Variants in DNER observed in about 807,000 individuals in gnomAD.
The protein encoded by DNER is delta/notch like EGF repeat containing, also known as delta and Notch-like epidermal growth factor-related receptor.
Under a neutral mutation model 78.2 loss-of-function variants are expected in DNER, and 33 were observed. The ratio of observed to expected loss-of-function variants is 0.42; its 90% CI spans 0.32 to 0.56. The LOEUF is 0.56. Ranked by LOEUF, DNER falls within the 20% of genes least tolerant of loss-of-function variation. DNER has a pLI of 0.11. For synonymous variants in DNER, 417 were observed against 384.8 expected (o/e 1.08, Z -0.98); for missense variants, 918 against 975.3 (o/e 0.94, Z 0.78).
chr2:229,454,947 G>T (rs1428703944), intron 7 of DNER, among the ~76,000 whole-genome samples: 1 of 151,020 alleles, frequency 6.6e-6, no homozygotes, highest in East Asian at 1.9e-4. Flanking sequence ...ATGAATGCAA[G>T]GTATATCTGA....
At chr2:229,712,514 C>A (rs1239742037) in intron 1 of DNER, among the ~76,000 whole-genome samples, 1 of 152,140 alleles carries the variant, frequency 6.6e-6, no homozygotes, top group African/African-American at 2.4e-5. Flanking sequence ...TCAACTATTT[C>A]TTTGAAGGAT....
At chr2:229,693,155 G>C (rs1323179465) in intron 1 of DNER, among the ~76,000 whole-genome samples, 1 of 151,884 alleles carries the variant, frequency 6.6e-6, no homozygotes, top group Non-Finnish European at 1.5e-5. Flanking sequence ...TCTCATGATA[G>C]TGAGTGACTT....
intron 1 of DNER, among the ~76,000 whole-genome samples, chr2:229,687,068 T>G (rs1024124254): frequency 2.6e-5 from 4 of 152,188 alleles, no homozygotes; most frequent in African/African-American, 4.8e-5. Context: ...GTGTCTTCTT[T>G]TTTCTTTTCA....
At chr2:229,387,073 A>G (rs1222095471) in intron 11 of DNER, among the ~76,000 whole-genome samples, 1 of 152,210 alleles carries the variant, frequency 6.6e-6, no homozygotes, top group Non-Finnish European at 1.5e-5. Flanking sequence ...CTTGGAACCA[A>G]CCCAAATGCC....
intron 1 of DNER, among the ~76,000 whole-genome samples, chr2:229,657,010 G>GTGTGTGTT (rs1698924330): frequency 6.6e-6 from 1 of 150,558 alleles, no homozygotes; most frequent in Non-Finnish European, 1.5e-5. Flanking sequence ...GTGTGTGTGT[G>GTGTGTGTT]TGGTGAGAAC....
At position 229,361,599 on chromosome 2, in the gene DNER, C is replaced by T. The variant is rs948406062; in HGVS notation, c.2103-2948G>A. Among the ~76,000 whole-genome samples the T allele has an allele frequency of 3.3e-5, 5 of 152,120 alleles. No homozygotes were observed. The South Asian group carries it at 8.3e-4, about 25-fold the overall frequency. On this transcript the variant is annotated intron_variant, in intron 12 of 12. Transcript: ENST00000341772. ...GGTCCCTGATGAAGACCACAAGAAT[C>T]GCCCTTAGTGCTGCTCTCCAAAGGA...
intron 12 of DNER, among the ~76,000 whole-genome samples, chr2:229,360,954 G>A (rs1458380462): frequency 6.6e-6 from 1 of 152,228 alleles, no homozygotes; most frequent in African/African-American, 2.4e-5. Context: ...AGGCAGGCTT[G>A]GAGCTGGAAT....
chr2:229,394,316 G>A (rs1693084334), intron 10 of DNER, among the ~76,000 whole-genome samples: 1 of 151,818 alleles, frequency 6.6e-6, no homozygotes, highest in African/African-American at 2.4e-5. Context: ...TGGGTCCGAA[G>A]GGTAATGGTG....
intron 4 of DNER, among the ~76,000 whole-genome samples, chr2:229,557,378 T>TACTC (rs1559166200): frequency 6.6e-6 from 1 of 152,230 alleles, no homozygotes. Flanking sequence ...CTTGTCTTCA[T>TACTC]ACTCAGAATT....
intron 7 of DNER, among the ~76,000 whole-genome samples, chr2:229,448,356 T>G (rs951999620): frequency 9.2e-5 from 14 of 152,330 alleles, no homozygotes; most frequent in African/African-American, 2.9e-4. Context: ...TGGTTGCCTA[T>G]GGCTGGGCCG....
At chr2:229,488,627 C>T (rs1407343644) in intron 6 of DNER, among the ~76,000 whole-genome samples, 2 of 152,232 alleles carry the variant, frequency 1.3e-5, no homozygotes, top group Non-Finnish European at 2.9e-5. Context: ...TCTAACCCTA[C>T]GTCCCTCTCT....
intron 9 of DNER, among the ~76,000 whole-genome samples, chr2:229,412,014 C>A (rs750106509): frequency 6.6e-5 from 10 of 151,972 alleles, no homozygotes; most frequent in Non-Finnish European, 1.5e-4. Flanking sequence ...AATTAAAAAT[C>A]GAATTTTTTT....
rs918868578 is a variant in DNER, at chr2:229,417,484, C to T, written c.1609+624G>A. Reference sequence around the variant, plus strand: ...CCAGGAAGCCTTGCCATCCACAAAACGTGGCCAGAGGCCAGTGAAGATGCT... The same window carrying T: ...CCAGGAAGCCTTGCCATCCACAAAATGTGGCCAGAGGCCAGTGAAGATGCT... On this transcript the variant is annotated intron_variant, in intron 9 of 12. Coordinates refer to ENST00000341772, the MANE Select transcript of DNER (RefSeq NM_139072.4). Among the ~76,000 whole-genome samples the T allele has an allele frequency of 6.6e-5, 10 of 152,076 alleles. No homozygotes were observed. The South Asian group carries it at 1.0e-3, about 16-fold the overall frequency.
chr2:229,513,067 T>TTTGA (rs1177907962), intron 5 of DNER, 131 bp from the exon 6 acceptor site: 1 of 1,029,816 alleles, frequency 9.7e-7, no homozygotes, highest in African/African-American at 1.6e-5. Context: ...ACTTATGTCA[T>TTTGA]AATCTAGTTG....
chr2:229,361,910 G>T (rs535622283), intron 12 of DNER, among the ~76,000 whole-genome samples: 1 of 151,936 alleles, frequency 6.6e-6, no homozygotes, highest in Non-Finnish European at 1.5e-5. Flanking sequence ...GTGCTGGGTG[G>T]GGCGGGCTGG....
chr2:229,387,520 AAAGAAAGAAAG>A (rs1692908293), intron 11 of DNER, among the ~76,000 whole-genome samples: 1 of 111,780 alleles, frequency 8.9e-6, no homozygotes, highest in Non-Finnish European at 2.0e-5. Context: ...AGAAAGAAAG[AAAGAAAGAAAG>A]AAAGAAAGAA....
intron 6 of DNER, among the ~76,000 whole-genome samples, chr2:229,478,611 G>C (rs1307319736): frequency 1.3e-5 from 2 of 152,174 alleles, no homozygotes; most frequent in Admixed American, 1.3e-4. Context: ...AAATAAGGGA[G>C]AGTGAATTGT....
At chr2:229,548,513 G>T (rs138872247) in intron 4 of DNER, among the ~76,000 whole-genome samples, 3,597 of 152,130 alleles carry the variant, frequency 0.024, 150 homozygotes, top group African/African-American at 0.083. Context: ...AACACCACAT[G>T]TTCTCACTTA....
intron 11 of DNER, among the ~76,000 whole-genome samples, chr2:229,373,105 C>T (rs780760245): frequency 2.6e-5 from 4 of 151,984 alleles, no homozygotes; most frequent in Non-Finnish European, 5.9e-5. Context: ...ACAAGTGAGA[C>T]CTAATTAAAC....
Sources: gnomAD v4.1 joint callset for allele counts (sites outside exome capture counted in the v4.1 genomes callset) on GRCh38, gnomAD v4.1.1 for gene constraint, MANE v1.5 for transcripts, NCBI Gene and HGNC (gene_info 2026-07-23, HGNC 2026-07-21) for gene names.